Variants in SLC7A14 observed in about 807,000 individuals in gnomAD.
The protein encoded by SLC7A14 is solute carrier family 7 member 14, also known as gamma-aminobutyric acid transporter SLC7A14.
In SLC7A14, 37 loss-of-function variants were observed where a neutral mutation model predicts 60.2. The observed-to-expected ratio is 0.61, with a 90% CI of 0.47 to 0.81. The LOEUF is 0.81. Ranked by LOEUF, SLC7A14 falls within the 30% of genes least tolerant of loss-of-function variation. SLC7A14 has a pLI of 0.00. For missense variants in SLC7A14, 886 were observed against 982.7 expected, an observed-to-expected ratio of 0.90 and a Z score of 1.32; for synonymous variants, 399 against 395.8, an observed-to-expected ratio of 1.01 and a Z score of -0.10.
chr3:170,514,219 C>A (rs957364093), intron 2 of SLC7A14, among the ~76,000 whole-genome samples: 2 of 152,312 alleles, frequency 1.3e-5, no homozygotes, highest in Admixed American at 6.5e-5. Context: ...CTGGCACATG[C>A]AAAGCTCCTG....
At chr3:170,512,881 T>A (rs1450324063) in intron 2 of SLC7A14, among the ~76,000 whole-genome samples, 1 of 151,950 alleles carries the variant, frequency 6.6e-6, no homozygotes, top group Non-Finnish European at 1.5e-5. Context: ...GCCGGGATGG[T>A]CTCGATCTAC....
At chr3:170,511,007 C>T (rs1032578988) in intron 2 of SLC7A14, among the ~76,000 whole-genome samples, 6 of 152,186 alleles carry the variant, frequency 3.9e-5, no homozygotes, top group African/African-American at 7.2e-5. Flanking sequence ...AGAATTCACA[C>T]AGCCTCTGGA....
chr3:170,579,951 A>G (rs1252822414), intron 1 of SLC7A14, among the ~76,000 whole-genome samples: 1 of 152,216 alleles, frequency 6.6e-6, no homozygotes, highest in African/African-American at 2.4e-5. Flanking sequence ...CACGGTTCTC[A>G]GGAGTAGTCT....
chr3:170,549,059 A>G (rs1417872170), intron 1 of SLC7A14, among the ~76,000 whole-genome samples: 2 of 152,144 alleles, frequency 1.3e-5, no homozygotes, highest in East Asian at 3.8e-4. Context: ...AACACTATAA[A>G]TATTTTCACA....
chr3:170,495,857 C>G, intron 4 of SLC7A14: 1 of 1,204,412 alleles, frequency 8.3e-7, no homozygotes, highest in Non-Finnish European at 1.2e-6. Context: ...TATTTGAGAG[C>G]TACATGAACA....
At chr3:170,551,983 G>T (rs998807638) in intron 1 of SLC7A14, among the ~76,000 whole-genome samples, 11 of 151,962 alleles carry the variant, frequency 7.2e-5, no homozygotes, top group African/African-American at 2.4e-4. Flanking sequence ...AAAACGTATT[G>T]CCTAATCCAA....
intron 1 of SLC7A14, among the ~76,000 whole-genome samples, chr3:170,529,623 A>G (rs10936639): frequency 0.12 from 19,001 of 152,158 alleles, 1,407 homozygotes; most frequent in Admixed American, 0.2. Flanking sequence ...AGTCAGTTTC[A>G]GAGAGGGATA....
At chr3:170,521,992 T>G (rs1375243377) in intron 2 of SLC7A14, among the ~76,000 whole-genome samples, 2 of 151,980 alleles carry the variant, frequency 1.3e-5, no homozygotes, top group African/African-American at 2.4e-5. Context: ...AGCACATGGA[T>G]GACAAATAAA....
chr3:170,580,754 G>GAATA (rs1715212526), intron 1 of SLC7A14, among the ~76,000 whole-genome samples: 1 of 152,170 alleles, frequency 6.6e-6, no homozygotes, highest in Non-Finnish European at 1.5e-5. Flanking sequence ...ATGAATGAAT[G>GAATA]AATAAATAAA....
chr3:170,544,345 C>T (rs1381190921), intron 1 of SLC7A14, among the ~76,000 whole-genome samples: 1 of 152,100 alleles, frequency 6.6e-6, no homozygotes, highest in Admixed American at 6.5e-5. Context: ...GACACACACA[C>T]ACAGACACAC....
chr3:170,526,818 C>T lies in SLC7A14; in HGVS notation c.119G>A (p.Gly40Glu), dbSNP rs1448560103. The change falls in exon 2 of 8, where the codon GGG becomes GAG. Residue 40 changes from glycine to glutamate, a missense_variant. By Grantham distance (98) the Gly-to-Glu change is moderately conservative. Coordinates refer to ENST00000231706, the MANE Select transcript of SLC7A14 (RefSeq NM_020949.3). ...KPVESMLEGTGTTTAHGTKLA... is the reference protein window; with the variant it reads ...KPVESMLEGTETTTAHGTKLA... ...CTTAGTTCCATGTGCCGTGGTGGTC[C>T]CAGTTCCCTCTAGCATGGACTCCAC... 12 of 1,614,034 alleles carry T rather than the reference C, an allele frequency of 7.4e-6. No homozygotes were observed. The highest frequency in any genetic ancestry group is 5.0e-5 in the Admixed American group (3 of 59,996).
chr3:170,567,262 T>G (rs1431998130), intron 1 of SLC7A14, among the ~76,000 whole-genome samples: 7 of 151,366 alleles, frequency 4.6e-5, no homozygotes, highest in African/African-American at 7.3e-5. Flanking sequence ...TGCGGTGTTT[T>G]GTTTTTTGTC....
intron 4 of SLC7A14, among the ~76,000 whole-genome samples, chr3:170,492,493 A>G (rs1712253822): frequency 6.6e-6 from 1 of 152,092 alleles, no homozygotes; most frequent in African/African-American, 2.4e-5. Flanking sequence ...CGACAGAGTG[A>G]GACTCTGCCT....
At chr3:170,545,172 C>T (rs1459106902) in intron 1 of SLC7A14, among the ~76,000 whole-genome samples, 2 of 152,196 alleles carry the variant, frequency 1.3e-5, no homozygotes, top group African/African-American at 2.4e-5. Context: ...GTATCCTTTA[C>T]AGAAGAGGAC....
In SLC7A14 at chr3:170,459,959, A is replaced by G. The variant is rs986537602; in HGVS notation, c.*7096T>C. On this transcript the variant is annotated 3_prime_UTR_variant, in exon 8 of 8. Coordinates refer to ENST00000231706, the MANE Select transcript of SLC7A14 (RefSeq NM_020949.3). ...ATATACACATTTTGTTAAATTTAGA[A>G]TTTTCCCTTAGTATCTTGATAAATC... is the stretch of plus-strand genomic sequence containing the variant. 19 of 152,196 alleles carry G rather than the reference A, an allele frequency of 1.2e-4. No homozygotes were observed. Among genetic ancestry groups the G allele is most frequent in the African/African-American group, 4.6e-4 (19 of 41,458 alleles). The allele number at this position is 152,196 out of a possible 1,614,324, so 9.4% of individuals were successfully genotyped here.
chr3:170,552,319 C>A (rs1714374040), intron 1 of SLC7A14, among the ~76,000 whole-genome samples: 1 of 152,090 alleles, frequency 6.6e-6, no homozygotes, highest in Non-Finnish European at 1.5e-5. Context: ...CAGAAATACA[C>A]CCTCACATTG....
chr3:170,551,739 C>A (rs549652584), intron 1 of SLC7A14, among the ~76,000 whole-genome samples: 5 of 152,114 alleles, frequency 3.3e-5, no homozygotes, highest in Non-Finnish European at 5.9e-5. Flanking sequence ...TGGGTTATTT[C>A]TCTTTTTATT....
intron 7 of SLC7A14, among the ~76,000 whole-genome samples, chr3:170,477,687 G>A (rs1383697240): frequency 6.6e-6 from 1 of 152,138 alleles, no homozygotes; most frequent in Non-Finnish European, 1.5e-5. Flanking sequence ...CCAAGTAATA[G>A]TATTTGTGAA....
chr3:170,526,679 A>G lies in SLC7A14; in HGVS notation c.258T>C (p.Gly86=). The change falls in exon 2 of 8, where the codon GGT becomes GGC. Residue 86 remains glycine (G), a synonymous_variant. Transcript: ENST00000231706. ...GLVAKEMAGP[G]VIVSFIIAAV... is the part of the protein sequence containing the mutation. ...CTGCAATGATGAAGGACACAATGAC[A>G]CCAGGTCCTGCCATTTCCTTGGCCA... is the stretch of plus-strand genomic sequence containing the variant. 1 of 1,614,204 alleles carries G rather than the reference A, an allele frequency of 6.2e-7. No individual in the cohort carries two copies. Among genetic ancestry groups the G allele is most frequent in the African/African-American group, 1.3e-5 (1 of 75,048 alleles).
Sources: allele counts gnomAD v4.1 joint callset (sites outside exome capture counted in the v4.1 genomes callset), GRCh38; gene constraint gnomAD v4.1.1; transcripts MANE v1.5; gene names NCBI Gene and HGNC (gene_info 2026-07-23, HGNC 2026-07-21).